CYP39A1: variants seen among roughly 807,000 people sequenced by gnomAD.
CYP39A1 encodes 24-hydroxycholesterol 7-alpha-hydroxylase.
CYP39A1 carries 49 observed loss-of-function variants against 58.1 expected under a neutral mutation model. That is an observed-to-expected ratio of 0.84 (90% CI 0.67 to 1.07). The LOEUF is 1.07. Among genes scored for constraint, CYP39A1 ranks in the 50% least tolerant of loss-of-function variants. The pLI is 0.00. For synonymous variants in CYP39A1, 209 were observed against 187.6 expected (o/e 1.11, Z -0.93); for missense variants, 531 against 539.4 (o/e 0.98, Z 0.16).
At chr6:46,625,545 C>T (rs1351156341) in intron 6 of CYP39A1, 37 bp from the exon 7 acceptor site, 1 of 1,491,810 alleles carries the variant, frequency 6.7e-7, no homozygotes, top group African/African-American at 1.4e-5. Context: ...ATATGAACTT[C>T]TTTGAAGGTG....
At chr6:46,566,240 TA>T (rs1771266618) in intron 10 of CYP39A1, among the ~76,000 whole-genome samples, 1 of 152,222 alleles carries the variant, frequency 6.6e-6, no homozygotes, top group Non-Finnish European at 1.5e-5. Context: ...AGCTATGAGC[TA>T]ATAGTTTGGC....
chr6:46,621,719 A>ACC, intron 7 of CYP39A1, among the ~76,000 whole-genome samples: 1 of 152,172 alleles, frequency 6.6e-6, no homozygotes, highest in South Asian at 2.1e-4. Context: ...TCATTGGTGA[A>ACC]TTCTACCATA....
At chr6:46,620,209 A>G (rs769988929) in intron 7 of CYP39A1, among the ~76,000 whole-genome samples, 1 of 152,100 alleles carries the variant, frequency 6.6e-6, no homozygotes, top group South Asian at 2.1e-4. Context: ...TAAAAGCCAG[A>G]AGTCTGCATT....
rs1483958844 is a variant in CYP39A1 at position 46,631,006 on chromosome 6, T to C, written c.797A>G (p.Tyr266Cys). 2.5e-6 allele frequency: 4 copies of C among 1,614,060 alleles called. No individual in the cohort carries two copies. The highest frequency in any genetic ancestry group is 3.4e-6 in the Non-Finnish European group (4 of 1,180,006). The change falls in exon 6 of 12, where the codon TAT becomes TGT. Residue 266 changes from tyrosine to cysteine, a missense_variant. Tyr to Cys is a radical substitution (Grantham distance 194). Transcript: ENST00000275016. ...TETSKENSPNYGLLLLWASLS... is the reference protein window; with the variant it reads ...TETSKENSPNCGLLLLWASLS... ...AGAAGCCCAAAGCAGTAAGAGCCCA[T>C]AATTGGGTGAGTTTTCCTTACTTGT...
rs1775261918 is a variant in CYP39A1, at chr6:46,625,511, T to C, written c.841-3A>G. ...TATGCAAGTGTCCAAAATGCAACCT[T>C]AAAAAGAAAAACATATATCAAAAAT... On this transcript the variant is annotated splice_region_variant and splice_polypyrimidine_tract_variant and intron_variant, in intron 6 of 11. Transcript: ENST00000275016. 2 of 1,602,684 alleles carry C rather than the reference T, an allele frequency of 1.2e-6. No individual in the cohort carries two copies. Among genetic ancestry groups the C allele is most frequent in the Admixed American group, 3.4e-5 (2 of 59,320 alleles).
chr6:46,600,071 G>A (rs888047832), intron 7 of CYP39A1, among the ~76,000 whole-genome samples: 1 of 152,068 alleles, frequency 6.6e-6, no homozygotes, highest in Non-Finnish European at 1.5e-5. Flanking sequence ...ATAGGGGAGA[G>A]AGGAGCATCT....
intron 10 of CYP39A1, among the ~76,000 whole-genome samples, chr6:46,580,620 T>C (rs1393786010): frequency 6.6e-6 from 1 of 152,100 alleles, no homozygotes; most frequent in African/African-American, 2.4e-5. Flanking sequence ...AAAGGTCTAA[T>C]ATCCAGAATC....
intron 8 of CYP39A1, 137 bp downstream of exon 8, chr6:46,595,850 G>T (rs1773113247): frequency 4.7e-6 from 4 of 857,964 alleles, no homozygotes; most frequent in Admixed American, 2.8e-5. Context: ...ACCACATGTT[G>T]TACAAGACAA....
intron 10 of CYP39A1, chr6:46,586,466 C>A: frequency 1.0e-6 from 1 of 976,578 alleles, no homozygotes; most frequent in South Asian, 4.7e-5. Flanking sequence ...GAGGGCCTGG[C>A]ACAGATGAGA....
chr6:46,559,730 G>A (rs1166191937), intron 10 of CYP39A1, among the ~76,000 whole-genome samples: 1 of 152,128 alleles, frequency 6.6e-6, no homozygotes, highest in Non-Finnish European at 1.5e-5. Flanking sequence ...AAATTTAAAT[G>A]GATAACTAGG....
intron 7 of CYP39A1, among the ~76,000 whole-genome samples, chr6:46,622,197 A>G (rs867694842): frequency 2.0e-5 from 3 of 152,134 alleles, no homozygotes; most frequent in Non-Finnish European, 1.5e-5. Context: ...GTGACTCCTA[A>G]TGGGTATGGG....
At chr6:46,631,405 T>C (rs933261077) in intron 5 of CYP39A1, among the ~76,000 whole-genome samples, 17 of 152,188 alleles carry the variant, frequency 1.1e-4, no homozygotes, top group Non-Finnish European at 2.4e-4. Context: ...CTCGTAGGAT[T>C]GTTGTGAGAA....
intron 7 of CYP39A1, among the ~76,000 whole-genome samples, chr6:46,616,164 T>C (rs543092523): frequency 0.39 from 753 of 1,924 alleles, 14 homozygotes; most frequent in Non-Finnish European, 0.42. Flanking sequence ...TTCTTTCTTT[T>C]TTCTTTCTTT....
At chr6:46,634,667 G>A (rs1042111024) in intron 5 of CYP39A1, among the ~76,000 whole-genome samples, 12 of 151,576 alleles carry the variant, frequency 7.9e-5, no homozygotes, top group African/African-American at 1.7e-4. Flanking sequence ...GATTACAGGC[G>A]CGCACCACCA....
intron 7 of CYP39A1, among the ~76,000 whole-genome samples, chr6:46,616,970 A>C (rs1280383290): frequency 6.6e-6 from 1 of 152,144 alleles, no homozygotes; most frequent in Admixed American, 6.5e-5. Context: ...TCAATGGAAC[A>C]AAATCTTAGA....
chr6:46,552,173 G>T (rs1324969546), intron 11 of CYP39A1, among the ~76,000 whole-genome samples: 1 of 152,120 alleles, frequency 6.6e-6, no homozygotes, highest in Non-Finnish European at 1.5e-5. Context: ...AGGCATTCTG[G>T]TGTCCTCTTG....
At chr6:46,631,376 T>G (rs1377175473) in intron 5 of CYP39A1, among the ~76,000 whole-genome samples, 2 of 152,310 alleles carry the variant, frequency 1.3e-5, no homozygotes, top group South Asian at 4.1e-4. Context: ...CCATAAAATG[T>G]TCATAATATG....
At chr6:46,638,032 C>T in intron 3 of CYP39A1, 54 bp from the exon 4 acceptor site, 1 of 1,527,470 alleles carries the variant, frequency 6.5e-7, no homozygotes, top group Non-Finnish European at 8.8e-7. Context: ...AGAAGAAAGG[C>T]AAAGGATACA....
chr6:46,627,471 T>G (rs1171230718), intron 6 of CYP39A1, among the ~76,000 whole-genome samples: 2 of 151,704 alleles, frequency 1.3e-5, no homozygotes, highest in South Asian at 4.2e-4. Flanking sequence ...TAGGCTGGAG[T>G]GCAGTGGCGC....
Sources: gnomAD v4.1 joint callset for allele counts (sites outside exome capture counted in the v4.1 genomes callset) on GRCh38, gnomAD v4.1.1 for gene constraint, MANE v1.5 for transcripts, NCBI Gene and HGNC (gene_info 2026-07-23, HGNC 2026-07-21) for gene names.